EPRS1: variants seen among roughly 807,000 people sequenced by gnomAD.
EPRS1 encodes the protein glutamyl-prolyl-tRNA synthetase 1, also known as bifunctional glutamate/proline--tRNA ligase.
Under a neutral mutation model 188.3 loss-of-function variants are expected in EPRS1, and 107 were observed. That is an observed-to-expected ratio of 0.57 (90% CI 0.49 to 0.67). EPRS1 has a LOEUF of 0.67. Ranked by LOEUF, EPRS1 falls within the 30% of genes least tolerant of loss-of-function variation. The probability of loss-of-function intolerance (pLI) is 0.00; values close to 1 mark genes in which losing one functional copy is unlikely to be tolerated. For synonymous variants in EPRS1, 596 were observed against 593.1 expected (o/e 1.00, Z -0.07); for missense variants, 1,577 against 1,802.2 (o/e 0.88, Z 2.26).
intron 29 of EPRS1, 89 bp downstream of exon 29, chr1:219,973,149 A>G (rs1249901873): frequency 3.5e-6 from 4 of 1,151,972 alleles, no homozygotes; most frequent in African/African-American, 3.1e-5. Context: ...ATTGCTTCCA[A>G]TTGGGGCAAC....
At chr1:220,005,047 A>C (rs1012421856) in intron 16 of EPRS1, among the ~76,000 whole-genome samples, 5 of 152,238 alleles carry the variant, frequency 3.3e-5, no homozygotes, top group African/African-American at 1.2e-4. Context: ...ATAATTTATT[A>C]ATGTTCAATG....
Position 220,018,988 on chromosome 1 carries a change from A to G in EPRS1, c.1434+7T>C, listed in dbSNP as rs1269752026. The G allele has an allele frequency of 1.3e-6, 2 of 1,596,118 alleles. No individual in the cohort carries two copies. Among genetic ancestry groups the G allele is most frequent in the African/African-American group, 2.7e-5 (2 of 74,472 alleles). ...ACAGACAAGCTGGAAAAGAAACTGT[A>G]ACGCACCTGAGCAGCAATAAACTGT... On this transcript the variant is annotated splice_region_variant and intron_variant, in intron 11 of 31. Transcript: ENST00000366923.
chr1:220,022,646 T>C, intron 8 of EPRS1, 128 bp from the exon 9 acceptor site: 1 of 745,654 alleles, frequency 1.3e-6, no homozygotes, highest in Non-Finnish European at 2.2e-6. Flanking sequence ...TTAAAAACAC[T>C]GTAATATTTC....
chr1:220,032,389 C>A lies in EPRS1; in HGVS notation c.526G>T (p.Val176Leu), dbSNP rs1378803018. Residue 176 changes from valine to leucine, a missense_variant and splice_region_variant, in exon 5 of 32, where the codon GTG (valine) becomes TTG (leucine). Around this residue, in one of 3 missense-constraint regions of EPRS1, gnomAD observed 1,278 missense variants for 1,457.4 expected, o/e 0.88. Coordinates refer to ENST00000366923, the MANE Select transcript of EPRS1 (RefSeq NM_004446.3). ...AAAAAAAAGAAAAAAAGGCTTACCA[C>A]TCGAGCTTTGGTTGTTGAAACATCC... ...KWDVSTTKAR[V>L]APEKKQDVGK... is the part of the protein sequence containing the mutation. The A allele has an allele frequency of 6.3e-7, 1 of 1,592,154 alleles. No homozygotes were observed. The highest frequency in any genetic ancestry group is 8.5e-7 in the Non-Finnish European group (1 of 1,174,144).
intron 2 of EPRS1, among the ~76,000 whole-genome samples, chr1:220,039,754 A>C (rs1450227015): frequency 6.6e-6 from 1 of 152,030 alleles, no homozygotes; most frequent in Non-Finnish European, 1.5e-5. Flanking sequence ...TCCTGACCTC[A>C]TGATCCGCCT....
chr1:220,025,015 A>C (rs1329389490), intron 7 of EPRS1, 117 bp downstream of exon 7: 2 of 966,110 alleles, frequency 2.1e-6, no homozygotes, highest in East Asian at 4.9e-5. Flanking sequence ...GAATATATAG[A>C]TAGGGAAAAA....
intron 1 of EPRS1, among the ~76,000 whole-genome samples, chr1:220,042,486 C>CAA (rs755731080): frequency 1.8e-5 from 2 of 113,442 alleles, no homozygotes; most frequent in Admixed American, 1.8e-4. Flanking sequence ...CCCCATCTCC[C>CAA]AAAAAAAAAA....
At position 219,988,614 on chromosome 1, in the gene EPRS1, T is replaced by C; in HGVS notation, c.2751A>G (p.Lys917=). 1.9e-6 allele frequency: 3 copies of C among 1,613,350 alleles called. No individual in the cohort carries two copies. The highest frequency in any genetic ancestry group is 2.5e-6 in the Non-Finnish European group (3 of 1,179,384). Residue 917 remains lysine, a synonymous_variant, in exon 19 of 32, where the codon AAA becomes AAG. Coordinates refer to ENST00000366923, the MANE Select transcript of EPRS1 (RefSeq NM_004446.3). Reference sequence around the variant, plus strand: ...CCTTAGGGGCTTTTTCAGTTTTAAGTTTCCGAACTACTTCCCCTTGAGAAG... The same window carrying C: ...CCTTAGGGGCTTTTTCAGTTTTAAGCTTCCGAACTACTTCCCCTTGAGAAG... ...KVASQGEVVR[K]LKTEKAPKDQ...
At chr1:219,999,429 T>C (rs1016619069) in intron 17 of EPRS1, among the ~76,000 whole-genome samples, 3 of 151,970 alleles carry the variant, frequency 2.0e-5, no homozygotes, top group Admixed American at 2.0e-4. Flanking sequence ...TTGTTACTGA[T>C]TTGACCAACA....
At chr1:220,037,900 C>G (rs1207195818) in intron 2 of EPRS1, among the ~76,000 whole-genome samples, 4 of 152,076 alleles carry the variant, frequency 2.6e-5, no homozygotes, top group Admixed American at 6.6e-5. Context: ...AGCAATTATA[C>G]TATGTGGCTC....
rs557035063 is a variant in EPRS1, at chr1:219,985,341, C to T, written c.3039-1084G>A. Among the ~76,000 whole-genome samples, 18 of 152,092 alleles carry T rather than the reference C, an allele frequency of 1.2e-4. 1 individual carries two copies. In the South Asian group the frequency reaches 3.5e-3, roughly 30 times the overall value. ...GTAATAAAAACAATGGCTATAAATA[C>T]ACACACATATGTGTGTGTACTGATG... On this transcript the variant is annotated intron_variant, in intron 20 of 31. Transcript: ENST00000366923.
intron 13 of EPRS1, among the ~76,000 whole-genome samples, chr1:220,008,095 A>G (rs1661528649): frequency 1.4e-5 from 2 of 145,028 alleles, no homozygotes; most frequent in Admixed American, 7.0e-5. Flanking sequence ...CAACAGAGCG[A>G]GACTCCGTCA....
At position 219,978,683 on chromosome 1, in the gene EPRS1, A is replaced by G; in HGVS notation, c.3946T>C (p.Ser1316Pro). 1 of 1,612,724 alleles carries G rather than the reference A, an allele frequency of 6.2e-7. No homozygotes were observed. Among genetic ancestry groups the G allele is most frequent in the Non-Finnish European group, 8.5e-7 (1 of 1,179,314 alleles). ...IIPCGITNALSEEDKEALIAK... is the reference protein window; with the variant it reads ...IIPCGITNALPEEDKEALIAK... ...ATCAGCGCTTCTTTGTCTTCTTCAG[A>G]AAGTGCATTGGTAATGCCACAAGGA... is the stretch of plus-strand genomic sequence containing the variant. The change falls in exon 28 of 32, where the codon TCT becomes CCT. Residue 1316 changes from serine (S) to proline (P), a missense_variant. This residue lies in a region of EPRS1 where 296 missense variants were observed against 327.9 expected (regional missense o/e 0.90). Coordinates refer to ENST00000366923, the MANE Select transcript of EPRS1 (RefSeq NM_004446.3).
At chr1:219,972,433 T>C (rs902993947) in intron 29 of EPRS1, among the ~76,000 whole-genome samples, 13 of 152,214 alleles carry the variant, frequency 8.5e-5, no homozygotes, top group Non-Finnish European at 1.5e-4. Context: ...TTTCCTGGCA[T>C]TAACACATTA....
intron 13 of EPRS1, among the ~76,000 whole-genome samples, chr1:220,010,093 CAAAA>C (rs3055587): frequency 3.0e-5 from 3 of 100,500 alleles, no homozygotes; most frequent in Non-Finnish European, 5.7e-5. Flanking sequence ...GCAACTGTCT[CAAAA>C]AAAAAAAAAA....
intron 1 of EPRS1, among the ~76,000 whole-genome samples, chr1:220,046,088 C>G (rs1662397105): frequency 6.6e-6 from 1 of 152,172 alleles, no homozygotes; most frequent in Non-Finnish European, 1.5e-5. Flanking sequence ...AGCGGAGTCT[C>G]GTGTTGTCTA....
chr1:220,018,529 G>A (rs1214233390), intron 11 of EPRS1, 21 bp from the exon 12 acceptor site: 3 of 1,532,476 alleles, frequency 2.0e-6, no homozygotes. Context: ...ATAACAACAT[G>A]ATTTTAAGGG....
chr1:220,037,704 G>C (rs540869648), intron 2 of EPRS1, among the ~76,000 whole-genome samples: 1 of 152,180 alleles, frequency 6.6e-6, no homozygotes, highest in Admixed American at 6.6e-5. Flanking sequence ...CAGCAGAACA[G>C]ATGAAAAATA....
intron 18 of EPRS1, among the ~76,000 whole-genome samples, chr1:219,991,528 A>T (rs563051476): frequency 6.6e-6 from 1 of 152,256 alleles, no homozygotes; most frequent in East Asian, 1.9e-4. Context: ...GAGGGAAGAG[A>T]GTGATGATGC....
Sources: gnomAD v4.1 joint callset for allele counts (sites outside exome capture counted in the v4.1 genomes callset) on GRCh38, gnomAD v4.1.1 for gene constraint, gnomAD v4.1.1 regional missense constraint, MANE v1.5 for transcripts, NCBI Gene and HGNC (gene_info 2026-07-23, HGNC 2026-07-21) for gene names.